CAMTA1: variants seen among roughly 807,000 people sequenced by gnomAD.
The protein encoded by CAMTA1 is calmodulin binding transcription activator 1, also known as calmodulin-binding transcription activator 1.
CAMTA1 carries 27 observed loss-of-function variants against 170.9 expected under a neutral mutation model. The observed-to-expected ratio is 0.16, with a 90% CI of 0.12 to 0.22. The LOEUF (loss-of-function observed/expected upper bound fraction) is 0.22, where lower values mean the gene tolerates loss of function less well. CAMTA1 is among the 10% of genes least tolerant of loss of function. The probability of loss-of-function intolerance (pLI) is 1.00; values close to 1 mark genes in which losing one functional copy is unlikely to be tolerated. For synonymous variants in CAMTA1, 833 were observed against 891.5 expected (o/e 0.93, Z 1.17); for missense variants, 1,619 against 2,217.2 (o/e 0.73, Z 5.42).
intron 5 of CAMTA1, among the ~76,000 whole-genome samples, chr1:7,365,228 C>CCG (rs2085872801): frequency 6.3e-3 from 1 of 160 alleles, no homozygotes; most frequent in Admixed American, 0.083. Context: ...CACCTGGTGG[C>CCG]TGCGCTGTGG....
At position 7,287,717 on chromosome 1, in the gene CAMTA1, A is replaced by G. The variant is rs76373089; in HGVS notation, c.438+38091A>G. ...AAGTTCAAGTTTATTTCTCACTCAC[A>G]TTGCAACTCTTGTGAGGCAAATGCT... is the stretch of plus-strand genomic sequence containing the variant. On this transcript the variant is annotated intron_variant, in intron 5 of 22. Coordinates refer to ENST00000303635, the MANE Select transcript of CAMTA1 (RefSeq NM_015215.4). Among the ~76,000 whole-genome samples, 1,114 of 152,296 alleles carry G rather than the reference A, an allele frequency of 7.3e-3. 10 individuals carry two copies. Among genetic ancestry groups the G allele is most frequent in the African/African-American group, 0.025 (1,025 of 41,566 alleles).
intron 4 of CAMTA1, among the ~76,000 whole-genome samples, chr1:7,167,411 G>A (rs1183706817): frequency 6.6e-6 from 1 of 152,032 alleles, no homozygotes; most frequent in African/African-American, 2.4e-5. Flanking sequence ...GCGTAGATCT[G>A]TTTCTGGGCC....
intron 5 of CAMTA1, among the ~76,000 whole-genome samples, chr1:7,324,981 T>C (rs898560397): frequency 4.6e-5 from 7 of 152,240 alleles, no homozygotes; most frequent in African/African-American, 1.7e-4. Context: ...TTCCTCACTC[T>C]ACTAATGTGT....
intron 5 of CAMTA1, among the ~76,000 whole-genome samples, chr1:7,447,062 AGGATGC>A (rs903019607): frequency 1.4e-4 from 21 of 152,058 alleles, no homozygotes; most frequent in African/African-American, 5.1e-4. Context: ...CGTGCACTGG[AGGATGC>A]GGCTCCCACT....
rs1158096649 is a variant in CAMTA1, at chr1:7,680,866, A to AGCC, written c.2914+3135_2914+3136insCGC. On this transcript the variant is annotated intron_variant, in intron 11 of 22. Coordinates refer to ENST00000303635, the MANE Select transcript of CAMTA1 (RefSeq NM_015215.4). The surrounding 1 kb of genome is among the most constrained non-coding windows in gnomAD (Gnocchi z 4.4). ...CACGCGCGCGCGCGCGCGCGCCAGC[A>AGCC]GCAGCAGCAGCAGCAGCTGCTGCGG... Among the ~76,000 whole-genome samples the AGCC allele has an allele frequency of 6.6e-5, 9 of 135,422 alleles. No individual in the cohort carries two copies. The highest frequency in any genetic ancestry group is 2.4e-4 in the African/African-American group (9 of 37,432). The allele number at this position is 135,422 out of a possible 152,430, so 88.8% of individuals were successfully genotyped here.
chr1:7,271,823 A>C (rs2149406085), intron 5 of CAMTA1, among the ~76,000 whole-genome samples: 1 of 152,254 alleles, frequency 6.6e-6, no homozygotes, highest in South Asian at 2.1e-4. Flanking sequence ...GGATTATAAA[A>C]AGAATACTAT....
intron 3 of CAMTA1, among the ~76,000 whole-genome samples, chr1:6,980,065 G>A (rs994143487): frequency 5.3e-5 from 8 of 152,154 alleles, no homozygotes; most frequent in Non-Finnish European, 8.8e-5. Context: ...TTACCCCCAT[G>A]AGCTTTTCTT....
intron 3 of CAMTA1, among the ~76,000 whole-genome samples, chr1:6,851,226 C>T (rs1660255933): frequency 6.6e-6 from 1 of 152,142 alleles, no homozygotes; most frequent in African/African-American, 2.4e-5. Flanking sequence ...ATTGGAACCA[C>T]ACCACCCCCT....
At chr1:7,094,674 A>G (rs1008339845) in intron 4 of CAMTA1, among the ~76,000 whole-genome samples, 2 of 152,074 alleles carry the variant, frequency 1.3e-5, no homozygotes, top group Admixed American at 1.3e-4. Flanking sequence ...GCCCCAGCTC[A>G]CCTGTTTAAT....
At chr1:7,355,205 CAAAAAA>C (rs200603818) in intron 5 of CAMTA1, among the ~76,000 whole-genome samples, 1 of 112,884 alleles carries the variant, frequency 8.9e-6, no homozygotes. Context: ...AACTCCGTCT[CAAAAAA>C]AAAAAAAAAA....
intron 5 of CAMTA1, among the ~76,000 whole-genome samples, chr1:7,337,805 C>T (rs1324727967): frequency 1.3e-5 from 2 of 152,186 alleles, no homozygotes; most frequent in Non-Finnish European, 2.9e-5. Flanking sequence ...CCTAGAAGCG[C>T]TGCCTGAGTT....
chr1:6,980,604 C>T lies in CAMTA1; in HGVS notation c.235-110700C>T, dbSNP rs137871669. Among the ~76,000 whole-genome samples, 320 of 152,106 alleles carry T rather than the reference C, an allele frequency of 2.1e-3. 2 individuals carry two copies. The highest frequency in any genetic ancestry group is 7.2e-3 in the African/African-American group (299 of 41,490). ...TAATTCCCATGTGTCTTGGGAGGGA[C>T]TTGGTAGGAGGTAATCAAGTCATGG... On this transcript the variant is annotated intron_variant, in intron 3 of 22. Coordinates refer to ENST00000303635, the MANE Select transcript of CAMTA1 (RefSeq NM_015215.4).
rs1347250182 is a variant in CAMTA1 at position 7,293,817 on chromosome 1, C to T, written c.438+44191C>T. Reference sequence around the variant, plus strand: ...CCAGGGTTTCCAGCTCTCCCGTGCCCCTCGCTTTTCTCTGAAAACTCGGCA... The same window carrying T: ...CCAGGGTTTCCAGCTCTCCCGTGCCTCTCGCTTTTCTCTGAAAACTCGGCA... On this transcript the variant is annotated intron_variant, in intron 5 of 22. Coordinates refer to ENST00000303635, the MANE Select transcript of CAMTA1 (RefSeq NM_015215.4). This position sits in a 1 kb window ranked among gnomAD's most constrained non-coding sequence, Gnocchi z 4.1. Among the ~76,000 whole-genome samples the T allele has an allele frequency of 2.0e-5, 3 of 152,218 alleles. No homozygotes were observed. Among genetic ancestry groups the T allele is most frequent in the Admixed American group, 6.5e-5 (1 of 15,288 alleles).
At chr1:7,008,149 G>T (rs187152196) in intron 3 of CAMTA1, among the ~76,000 whole-genome samples, 1 of 152,162 alleles carries the variant, frequency 6.6e-6, no homozygotes, top group African/African-American at 2.4e-5. Context: ...GGTGGAGCTC[G>T]GTTTTCCGTC....
intron 6 of CAMTA1, among the ~76,000 whole-genome samples, chr1:7,472,066 A>G (rs2093342364): frequency 6.6e-6 from 1 of 152,174 alleles, no homozygotes; most frequent in African/African-American, 2.4e-5. Context: ...GTGTCCCCGC[A>G]TGGCTGCCAT....
intron 5 of CAMTA1, among the ~76,000 whole-genome samples, chr1:7,319,183 A>G (rs1677982042): frequency 6.6e-6 from 1 of 152,112 alleles, no homozygotes; most frequent in Non-Finnish European, 1.5e-5. Context: ...CAGGGGTGAG[A>G]AAGTGGCATT....
Position 7,307,009 on chromosome 1 carries a change from GA to G in CAMTA1, c.438+57384del, listed in dbSNP as rs1183950995. Among the ~76,000 whole-genome samples the G allele has an allele frequency of 2.6e-5, 4 of 151,962 alleles. No homozygotes were observed. In the South Asian group the frequency reaches 8.3e-4, roughly 32 times the overall value. ...CAAATACTATACCATTTTATATAAGGAGCTTGAGGATCTGTGGATTTTTATA... is the reference window on the plus strand; with the variant it reads ...CAAATACTATACCATTTTATATAAGGGCTTGAGGATCTGTGGATTTTTATA... On this transcript the variant is annotated intron_variant, in intron 5 of 22. Transcript: ENST00000303635.
At chr1:7,645,497 C>T (rs1166656915) in intron 7 of CAMTA1, among the ~76,000 whole-genome samples, 1 of 152,278 alleles carries the variant, frequency 6.6e-6, no homozygotes, top group Non-Finnish European at 1.5e-5. Context: ...GCTGTGTTCA[C>T]AGCCCTTCCC....
At chr1:7,162,107 T>C (rs1396351978) in intron 4 of CAMTA1, among the ~76,000 whole-genome samples, 9 of 151,994 alleles carry the variant, frequency 5.9e-5, no homozygotes, top group Non-Finnish European at 1.5e-5. Context: ...TTTCTTGATG[T>C]GTTAGAGGAA....
Sources: gnomAD v4.1 joint callset for allele counts (sites outside exome capture counted in the v4.1 genomes callset) on GRCh38, gnomAD v4.1.1 for gene constraint, Gnocchi (gnomAD v3.1) non-coding constraint, MANE v1.5 for transcripts, NCBI Gene and HGNC (gene_info 2026-07-23, HGNC 2026-07-21) for gene names.